SRRM4: variants seen among roughly 807,000 people sequenced by gnomAD.
SRRM4 encodes serine/arginine repetitive matrix 4.
In SRRM4, 33 loss-of-function variants were observed where a neutral mutation model predicts 68.9. The observed-to-expected ratio is 0.48, with a 90% CI of 0.36 to 0.64. SRRM4 has a LOEUF of 0.64. Among genes scored for constraint, SRRM4 ranks in the 30% least tolerant of loss-of-function variants. The probability of loss-of-function intolerance (pLI) is 0.00; values close to 1 mark genes in which losing one functional copy is unlikely to be tolerated. For synonymous variants in SRRM4, 318 were observed against 318.8 expected (o/e 1.00, Z 0.03); for missense variants, 817 against 827.1 (o/e 0.99, Z 0.15).
intron 1 of SRRM4, among the ~76,000 whole-genome samples, chr12:119,101,703 A>G (rs989858917): frequency 2.0e-4 from 30 of 152,106 alleles, no homozygotes; most frequent in African/African-American, 6.5e-4. Context: ...GAATCTACAT[A>G]TAGGTAGTCC....
chr12:118,997,956 A>T lies in SRRM4; in HGVS notation c.131+15943A>T, dbSNP rs60374861. ...ACTAATTGTCAAGTTTTTAACTACC[A>T]CGTCCTACTGACACACTAACTGTGT... On this transcript the variant is annotated intron_variant, in intron 1 of 12. Transcript: ENST00000267260. Among the ~76,000 whole-genome samples the T allele has an allele frequency of 8.9e-3, 1,352 of 152,222 alleles. 29 individuals are homozygous for T. In the East Asian group the frequency reaches 0.1, roughly 12 times the overall value.
In SRRM4 at chr12:118,990,676, C is replaced by A. The variant is rs535948325; in HGVS notation, c.131+8663C>A. Among the ~76,000 whole-genome samples, 3 of 152,330 alleles carry A rather than the reference C, an allele frequency of 2.0e-5. No individual in the cohort carries two copies. The South Asian group carries it at 6.2e-4, about 32-fold the overall frequency. On this transcript the variant is annotated intron_variant, in intron 1 of 12. Coordinates refer to ENST00000267260, the MANE Select transcript of SRRM4 (RefSeq NM_194286.4). ...TAATCCCATCTCATACCACTTGCAG[C>A]AATACTGCTTTCCTCTTTCCTTGCC...
chr12:119,042,329 A>AC (rs1341377320), intron 1 of SRRM4, among the ~76,000 whole-genome samples: 1 of 152,050 alleles, frequency 6.6e-6, no homozygotes, highest in East Asian at 1.9e-4. Context: ...AGAAAGAAAA[A>AC]GCGGAGAAAG....
chr12:119,013,694 A>C (rs947323297), intron 1 of SRRM4, among the ~76,000 whole-genome samples: 1 of 152,118 alleles, frequency 6.6e-6, no homozygotes, highest in African/African-American at 2.4e-5. Flanking sequence ...TGGCTGCATT[A>C]TATTTGATTG....
rs777827224 is a variant in SRRM4, at chr12:119,145,445, G to A, written c.836G>A (p.Arg279Gln). ...ACAGCCAGCCCGCTCACCACCTCGC[G>A]AGGACGTTCCCAGGAGTACGACTCA... Reference protein sequence around the residue: ...TKTASPLTTSRGRSQEYDSGN... With the variant: ...TKTASPLTTSQGRSQEYDSGN... The change falls in exon 9 of 13, where the codon CGA (arginine) becomes CAA (glutamine). Residue 279 changes from arginine to glutamine, a missense_variant. Transcript: ENST00000267260. 6.8e-6 allele frequency: 11 copies of A among 1,607,544 alleles called. No individual in the cohort carries two copies. The highest frequency in any genetic ancestry group is 5.6e-5 in the South Asian group (5 of 89,582).
At position 119,114,268 on chromosome 12, in the gene SRRM4, C is replaced by T. The variant is rs1430539181; in HGVS notation, c.279-10C>T. On this transcript the variant is annotated splice_polypyrimidine_tract_variant and intron_variant, in intron 2 of 12. Transcript: ENST00000267260. ...GAGTTATCTAATGCTCCTCTCTTTG[C>T]TCCTCACAGTGCCTCTCATGACAAA... The T allele has an allele frequency of 3.7e-6, 6 of 1,610,026 alleles. No homozygotes were observed. Among genetic ancestry groups the T allele is most frequent in the Non-Finnish European group, 5.1e-6 (6 of 1,177,596 alleles).
intron 1 of SRRM4, among the ~76,000 whole-genome samples, chr12:119,014,651 C>T (rs368673525): frequency 1.3e-5 from 2 of 152,162 alleles, no homozygotes; most frequent in East Asian, 3.9e-4. Flanking sequence ...CTACAGGAAC[C>T]CTGCAATTTT....
intron 1 of SRRM4, among the ~76,000 whole-genome samples, chr12:119,027,768 T>C (rs1953558643): frequency 6.6e-6 from 1 of 152,190 alleles, no homozygotes; most frequent in African/African-American, 2.4e-5. Flanking sequence ...TGTCTCCATA[T>C]TACAGGTATG....
chr12:119,069,141 G>T (rs568071392), intron 1 of SRRM4, among the ~76,000 whole-genome samples: 12 of 152,276 alleles, frequency 7.9e-5, no homozygotes, highest in African/African-American at 2.9e-4. Context: ...AAACGGGAGA[G>T]CCCTAAATAG....
intron 1 of SRRM4, chr12:119,000,947 T>G (rs574531384): frequency 2.6e-5 from 4 of 152,196 alleles, no homozygotes; most frequent in Non-Finnish European, 5.9e-5. Context: ...GAAGTGTCTA[T>G]TGGCTGCACA....
chr12:119,100,692 A>G (rs1397493102), intron 1 of SRRM4, among the ~76,000 whole-genome samples: 1 of 152,196 alleles, frequency 6.6e-6, no homozygotes, highest in Non-Finnish European at 1.5e-5. Flanking sequence ...CTAGGCCAGG[A>G]CAAGTATGGG....
chr12:119,039,907 G>A (rs1026264436), intron 1 of SRRM4, among the ~76,000 whole-genome samples: 26 of 152,102 alleles, frequency 1.7e-4, no homozygotes, highest in African/African-American at 5.6e-4. Context: ...GAAACAGCAG[G>A]TGAAGCACAC....
chr12:118,995,269 AT>A (rs1953341996), intron 1 of SRRM4, among the ~76,000 whole-genome samples: 1 of 152,182 alleles, frequency 6.6e-6, no homozygotes, highest in Admixed American at 6.5e-5. Flanking sequence ...GAGGTAAGTG[AT>A]TTGTCTAACT....
intron 1 of SRRM4, among the ~76,000 whole-genome samples, chr12:119,050,114 A>T (rs1953733086): frequency 1.3e-5 from 2 of 152,218 alleles, no homozygotes; most frequent in Non-Finnish European, 2.9e-5. Flanking sequence ...TGCACTCTTC[A>T]TACCTGAGCA....
chr12:119,014,512 AG>A (rs1202104420), intron 1 of SRRM4, among the ~76,000 whole-genome samples: 2 of 152,188 alleles, frequency 1.3e-5, no homozygotes, highest in Non-Finnish European at 2.9e-5. Context: ...CAGGTATTAG[AG>A]GAAAGAAAAA....
chr12:119,033,929 C>T (rs1054599863), intron 1 of SRRM4, among the ~76,000 whole-genome samples: 5 of 152,138 alleles, frequency 3.3e-5, no homozygotes, highest in Non-Finnish European at 7.3e-5. Context: ...AGAAGAAACA[C>T]ATACATTCAT....
At chr12:119,028,147 C>G (rs1199930362) in intron 1 of SRRM4, among the ~76,000 whole-genome samples, 1 of 152,182 alleles carries the variant, frequency 6.6e-6, no homozygotes, top group East Asian at 1.9e-4. Context: ...GCATTTCTAA[C>G]AAGTTCTCAG....
At chr12:119,045,107 G>A (rs1054494675) in intron 1 of SRRM4, among the ~76,000 whole-genome samples, 2 of 152,110 alleles carry the variant, frequency 1.3e-5, no homozygotes, top group Non-Finnish European at 2.9e-5. Context: ...TAGTGTCATC[G>A]CTGGGCTCAG....
intron 1 of SRRM4, among the ~76,000 whole-genome samples, chr12:119,069,216 C>T (rs2136025317): frequency 6.6e-6 from 1 of 152,278 alleles, no homozygotes; most frequent in East Asian, 1.9e-4. Flanking sequence ...TAGCATGTTA[C>T]CGGGGGTTCC....
Sources: allele counts gnomAD v4.1 joint callset (sites outside exome capture counted in the v4.1 genomes callset), GRCh38; gene constraint gnomAD v4.1.1; transcripts MANE v1.5; gene names NCBI Gene and HGNC (gene_info 2026-07-23, HGNC 2026-07-21).